THRB: variants seen among roughly 807,000 people sequenced by gnomAD.
The protein encoded by THRB is thyroid hormone receptor beta, also known as nuclear receptor subfamily 1 group A member 2.
In THRB, 12 loss-of-function variants were observed where a neutral mutation model predicts 47.8. That is an observed-to-expected ratio of 0.25 (90% CI 0.16 to 0.41). THRB has a LOEUF of 0.41. THRB is among the 10% of genes least tolerant of loss of function. THRB has a pLI of 1.00. For missense variants in THRB, 348 were observed against 589.2 expected, an observed-to-expected ratio of 0.59 and a Z score of 4.24; for synonymous variants, 218 against 212.2, an observed-to-expected ratio of 1.03 and a Z score of -0.24.
At chr3:24,154,550 C>T (rs938082524) in intron 5 of THRB, among the ~76,000 whole-genome samples, 1 of 152,136 alleles carries the variant, frequency 6.6e-6, no homozygotes, top group African/African-American at 2.4e-5. Context: ...CAAATCAAAA[C>T]CACAATGAGA....
At chr3:24,188,431 A>T (rs996545829) in intron 5 of THRB, among the ~76,000 whole-genome samples, 1 of 152,120 alleles carries the variant, frequency 6.6e-6, no homozygotes, top group African/African-American at 2.4e-5. Flanking sequence ...GGTCTTAACC[A>T]CTCTACTAAG....
chr3:24,423,838 C>T (rs2069502762), intron 1 of THRB, among the ~76,000 whole-genome samples: 1 of 151,738 alleles, frequency 6.6e-6, no homozygotes, highest in African/African-American at 2.4e-5. Context: ...AAAACCTTTA[C>T]TTATTTCACC....
At chr3:24,293,026 T>C (rs1274996778) in intron 3 of THRB, among the ~76,000 whole-genome samples, 1 of 151,938 alleles carries the variant, frequency 6.6e-6, no homozygotes, top group Admixed American at 6.6e-5. Flanking sequence ...AAGTTTTTGT[T>C]TGTTGCTCAT....
chr3:24,215,405 C>A (rs2046455369), intron 4 of THRB, among the ~76,000 whole-genome samples: 1 of 152,226 alleles, frequency 6.6e-6, no homozygotes, highest in Non-Finnish European at 1.5e-5. Flanking sequence ...CCCAAGGACA[C>A]ATGACGCCAA....
intron 3 of THRB, among the ~76,000 whole-genome samples, chr3:24,279,217 C>A (rs1315347138): frequency 6.6e-6 from 1 of 152,068 alleles, no homozygotes; most frequent in African/African-American, 2.4e-5. Context: ...AGAACTGGAA[C>A]TATTTACAAT....
chr3:24,254,199 T>TAAAAAA (rs57275069), intron 3 of THRB, among the ~76,000 whole-genome samples: 1 of 34,618 alleles, frequency 2.9e-5, no homozygotes, highest in African/African-American at 1.1e-4. Context: ...CTGTCTCTAC[T>TAAAAAA]AAAAAAAAAA....
intron 2 of THRB, among the ~76,000 whole-genome samples, chr3:24,305,147 A>C (rs992409905): frequency 6.6e-6 from 1 of 152,210 alleles, no homozygotes; most frequent in Non-Finnish European, 1.5e-5. Context: ...TTTATGAATT[A>C]TATAGATCAG....
At chr3:24,383,977 T>C (rs1368404009) in intron 1 of THRB, among the ~76,000 whole-genome samples, 1 of 152,178 alleles carries the variant, frequency 6.6e-6, no homozygotes, top group Non-Finnish European at 1.5e-5. Flanking sequence ...GAAAGAATTC[T>C]TGAAATTAAT....
At chr3:24,404,588 AT>A (rs921527793) in intron 1 of THRB, among the ~76,000 whole-genome samples, 1 of 151,830 alleles carries the variant, frequency 6.6e-6, no homozygotes, top group Non-Finnish European at 1.5e-5. Context: ...CTTCTCAATC[AT>A]TTTTTGTTTT....
intron 3 of THRB, among the ~76,000 whole-genome samples, chr3:24,232,833 T>G (rs1439731459): frequency 1.3e-5 from 2 of 152,128 alleles, no homozygotes; most frequent in African/African-American, 4.8e-5. Flanking sequence ...ACAAGACTTG[T>G]GAAGAATGTG....
chr3:24,418,409 A>G (rs1406982194), intron 1 of THRB, among the ~76,000 whole-genome samples: 1 of 151,840 alleles, frequency 6.6e-6, no homozygotes, highest in Non-Finnish European at 1.5e-5. Context: ...CTTAACACTG[A>G]AGAATTTATT....
chr3:24,324,926 G>T (rs572712531), intron 2 of THRB, among the ~76,000 whole-genome samples: 1 of 152,226 alleles, frequency 6.6e-6, no homozygotes, highest in African/African-American at 2.4e-5. Context: ...GATTACATGA[G>T]AATTATAAAA....
chr3:24,341,231 C>CTTTTTTT lies in THRB; in HGVS notation c.-260-3867_-260-3861dup, dbSNP rs5847287. 1.4e-3 allele frequency among the ~76,000 whole-genome samples: 149 copies of CTTTTTTT among 104,024 alleles called. 1 individual carries two copies. The highest frequency in any genetic ancestry group is 7.1e-3 in the Middle Eastern group (1 of 140). 68.2% of individuals were successfully genotyped at this position (104,024 alleles called of 152,430 possible). On this transcript the variant is annotated intron_variant, in intron 1 of 10. Transcript: ENST00000646209. ...GGTAAAACAATTAACATGAGATTACCTTTTTTTTTTTTTTTTTTGAGACAG... is the reference window on the plus strand; with the variant it reads ...GGTAAAACAATTAACATGAGATTACCTTTTTTTTTTTTTTTTTTTTTTTTTGAGACAG...
At chr3:24,317,243 ATATG>A (rs1484791603) in intron 2 of THRB, among the ~76,000 whole-genome samples, 1 of 152,132 alleles carries the variant, frequency 6.6e-6, no homozygotes. Context: ...CAGTTTCCCC[ATATG>A]TGGAAACTTT....
At chr3:24,394,100 A>C (rs2066776519) in intron 1 of THRB, among the ~76,000 whole-genome samples, 1 of 152,148 alleles carries the variant, frequency 6.6e-6, no homozygotes, top group Non-Finnish European at 1.5e-5. Context: ...CAATTCACTG[A>C]AAATAATCGA....
intron 1 of THRB, among the ~76,000 whole-genome samples, chr3:24,471,582 C>G (rs866680784): frequency 6.6e-6 from 1 of 152,170 alleles, no homozygotes; most frequent in African/African-American, 2.4e-5. Flanking sequence ...CATTTTGGCT[C>G]TCCTTCCCAG....
chr3:24,255,047 A>G (rs2051108356), intron 3 of THRB, among the ~76,000 whole-genome samples: 1 of 152,192 alleles, frequency 6.6e-6, no homozygotes, highest in Admixed American at 6.5e-5. Context: ...GGAAGAATGG[A>G]AAAATGGCAC....
intron 1 of THRB, among the ~76,000 whole-genome samples, chr3:24,398,036 G>A (rs1051332964): frequency 6.6e-6 from 1 of 152,102 alleles, no homozygotes; most frequent in East Asian, 1.9e-4. Flanking sequence ...AAAGCCAAAA[G>A]TATCTTCTAT....
At chr3:24,158,085 A>G (rs939699919) in intron 5 of THRB, among the ~76,000 whole-genome samples, 4 of 152,220 alleles carry the variant, frequency 2.6e-5, no homozygotes, top group Non-Finnish European at 5.9e-5. Context: ...TTTGGCTTGC[A>G]GAGTGTTTTT....
Sources: gnomAD v4.1 joint callset for allele counts (sites outside exome capture counted in the v4.1 genomes callset) on GRCh38, gnomAD v4.1.1 for gene constraint, MANE v1.5 for transcripts, NCBI Gene and HGNC (gene_info 2026-07-23, HGNC 2026-07-21) for gene names.